The following ROBO1 variants were observed in gnomAD, a reference collection of about 807,000 sequenced individuals.
The protein encoded by ROBO1 is roundabout guidance receptor 1.
In ROBO1, 149 loss-of-function variants were observed where a neutral mutation model predicts 195.9. The observed-to-expected ratio is 0.76, with a 90% CI of 0.67 to 0.87. The LOEUF is 0.87. Ranked by LOEUF, ROBO1 falls within the 40% of genes least tolerant of loss-of-function variation. The pLI is 0.00. For missense variants in ROBO1, 1,933 were observed against 2,068.3 expected, an observed-to-expected ratio of 0.93 and a Z score of 1.27; for synonymous variants, 816 against 733.2, an observed-to-expected ratio of 1.11 and a Z score of -1.82.
chr3:79,578,438 G>A (rs187991767), intron 2 of ROBO1, among the ~76,000 whole-genome samples: 33 of 152,180 alleles, frequency 2.2e-4, no homozygotes, highest in Non-Finnish European at 4.3e-4. Flanking sequence ...ATTAGTATTG[G>A]TCAATTTTTA....
chr3:78,734,455 C>T (rs144609553), intron 5 of ROBO1, among the ~76,000 whole-genome samples: 12 of 151,390 alleles, frequency 7.9e-5, no homozygotes, highest in African/African-American at 2.9e-4. Context: ...CAGCTACTCA[C>T]ATGGCTGAAG....
intron 2 of ROBO1, among the ~76,000 whole-genome samples, chr3:79,455,332 T>A (rs1296588276): frequency 6.6e-6 from 1 of 152,124 alleles, no homozygotes. Flanking sequence ...ATGGACCAGA[T>A]GGCTTAACTG....
intron 3 of ROBO1, among the ~76,000 whole-genome samples, chr3:78,976,298 T>A (rs371785436): frequency 5.1e-4 from 78 of 152,302 alleles, no homozygotes; most frequent in African/African-American, 1.8e-3. Context: ...CAGGAGCAGT[T>A]ACCTGAAGAA....
At position 79,539,727 on chromosome 3, in the gene ROBO1, G is replaced by T. The variant is rs530077353; in HGVS notation, c.88+50097C>A. Among the ~76,000 whole-genome samples, 19 of 152,036 alleles carry T rather than the reference G, an allele frequency of 1.2e-4. No individual in the cohort carries two copies. In the South Asian group the frequency reaches 3.9e-3, roughly 32 times the overall value. On this transcript the variant is annotated intron_variant, in intron 2 of 30. Coordinates refer to ENST00000464233, the MANE Select transcript of ROBO1 (RefSeq NM_002941.4). ...TGTGTAGAGTATCACACTGTTAATC[G>T]TTTTCATCCAACATTACAGAGTGGA...
intron 2 of ROBO1, among the ~76,000 whole-genome samples, chr3:79,414,268 G>A (rs181525364): frequency 6.6e-6 from 1 of 151,518 alleles, no homozygotes; most frequent in Non-Finnish European, 1.5e-5. Context: ...ATGTGTGCGT[G>A]TGTCTTCAAC....
intron 4 of ROBO1, among the ~76,000 whole-genome samples, chr3:78,820,184 G>C (rs2030735270): frequency 6.6e-6 from 1 of 152,180 alleles, no homozygotes; most frequent in Non-Finnish European, 1.5e-5. Context: ...TTAAGACAGA[G>C]AACAATTTGC....
intron 3 of ROBO1, among the ~76,000 whole-genome samples, chr3:78,996,897 T>C (rs2077380644): frequency 6.6e-6 from 1 of 152,210 alleles, no homozygotes. Context: ...CATAAGTAGA[T>C]ATTAACCTAC....
intron 2 of ROBO1, among the ~76,000 whole-genome samples, chr3:79,260,143 T>C (rs1355138084): frequency 6.6e-6 from 1 of 151,732 alleles, no homozygotes; most frequent in Non-Finnish European, 1.5e-5. Context: ...CCCATAATGT[T>C]ATTGAAAGTC....
intron 18 of ROBO1, among the ~76,000 whole-genome samples, chr3:78,654,861 G>A (rs1649198153): frequency 6.6e-6 from 1 of 151,974 alleles, no homozygotes; most frequent in African/African-American, 2.4e-5. Flanking sequence ...ATAAAAATAG[G>A]TAAACAACAA....
chr3:79,369,417 G>A (rs2036105320), intron 2 of ROBO1, among the ~76,000 whole-genome samples: 1 of 152,190 alleles, frequency 6.6e-6, no homozygotes, highest in Non-Finnish European at 1.5e-5. Flanking sequence ...CTATAAAACT[G>A]TCTTCTTCTC....
chr3:79,620,863 C>T (rs1220405693), intron 1 of ROBO1, among the ~76,000 whole-genome samples: 1 of 152,054 alleles, frequency 6.6e-6, no homozygotes, highest in Non-Finnish European at 1.5e-5. Context: ...ACAACATGGC[C>T]TCTTAAAGCC....
rs548084693 is a variant in ROBO1 at position 79,423,561 on chromosome 3, GC to G, written c.88+166262del. Among the ~76,000 whole-genome samples the G allele has an allele frequency of 1.0e-3, 155 of 152,178 alleles. 2 individuals carry two copies. In the South Asian group the frequency reaches 0.01, roughly 10 times the overall value. ...TTGGCAGGTCAGTCCTCTGAGCTGA[GC>G]CTCTATGTTCTCACCTGTGAAATGT... On this transcript the variant is annotated intron_variant, in intron 2 of 30. Coordinates refer to ENST00000464233, the MANE Select transcript of ROBO1 (RefSeq NM_002941.4).
chr3:79,495,772 TCA>T, intron 2 of ROBO1, among the ~76,000 whole-genome samples: 1 of 152,336 alleles, frequency 6.6e-6, no homozygotes, highest in African/African-American at 2.4e-5. Flanking sequence ...TCCTTATATC[TCA>T]GTTTATAAAT....
At chr3:78,696,651 T>TAC (rs1186930043) in intron 8 of ROBO1, among the ~76,000 whole-genome samples, 4 of 140,806 alleles carry the variant, frequency 2.8e-5, no homozygotes, top group East Asian at 2.0e-4. Context: ...TATATATATA[T>TAC]ACACATATAT....
intron 1 of ROBO1, among the ~76,000 whole-genome samples, chr3:79,758,272 T>G (rs562177977): frequency 3.9e-5 from 6 of 152,350 alleles, no homozygotes; most frequent in Admixed American, 3.3e-4. Flanking sequence ...ACATATTCAT[T>G]GCATAAAATT....
chr3:79,675,351 T>G (rs1484754149), intron 1 of ROBO1, among the ~76,000 whole-genome samples: 1 of 152,026 alleles, frequency 6.6e-6, no homozygotes, highest in Non-Finnish European at 1.5e-5. Context: ...TGAATCCAAC[T>G]CTCAATTATT....
rs536990978 is a variant in ROBO1 at position 79,105,409 on chromosome 3, C to T, written c.172+20047G>A. Among the ~76,000 whole-genome samples the T allele has an allele frequency of 1.0e-3, 156 of 151,646 alleles. 1 individual carries two copies. Among genetic ancestry groups the T allele is most frequent in the African/African-American group, 3.4e-3 (139 of 41,434 alleles). ...GAAATGAAAATTAAGTGATATAATA[C>T]GATTGTACACCTGTTAGTCTGACAG... On this transcript the variant is annotated intron_variant, in intron 3 of 30. Coordinates refer to ENST00000464233, the MANE Select transcript of ROBO1 (RefSeq NM_002941.4).
intron 4 of ROBO1, among the ~76,000 whole-genome samples, chr3:78,838,367 A>G (rs1374242135): frequency 6.6e-6 from 1 of 152,228 alleles, no homozygotes; most frequent in African/African-American, 2.4e-5. Flanking sequence ...TGATTGAATG[A>G]CTTTCAAAGC....
chr3:79,710,714 G>C (rs1702241856), intron 1 of ROBO1, among the ~76,000 whole-genome samples: 1 of 152,132 alleles, frequency 6.6e-6, no homozygotes, highest in Non-Finnish European at 1.5e-5. Context: ...AGTGTTCAGA[G>C]AGAATGAAAC....
Sources: allele counts gnomAD v4.1 joint callset (sites outside exome capture counted in the v4.1 genomes callset), GRCh38; gene constraint gnomAD v4.1.1; transcripts MANE v1.5; gene names NCBI Gene and HGNC (gene_info 2026-07-23, HGNC 2026-07-21).